The following DAB1 variants were observed in gnomAD, a reference collection of about 807,000 sequenced individuals.
DAB1 encodes the protein disabled homolog 1.
A neutral mutation model predicts 64.6 loss-of-function variants in DAB1; 15 were observed. That is an observed-to-expected ratio of 0.23 (90% CI 0.16 to 0.36). The LOEUF (loss-of-function observed/expected upper bound fraction) is 0.36. DAB1 is among the 10% of genes least tolerant of loss of function. The pLI is 1.00. For synonymous variants in DAB1, 235 were observed against 251.9 expected, an observed-to-expected ratio of 0.93 and a Z score of 0.64; for missense variants, 596 against 706.7, an observed-to-expected ratio of 0.84 and a Z score of 1.78.
At chr1:57,732,916 T>C (rs574131926) in intron 6 of DAB1, among the ~76,000 whole-genome samples, 1 of 152,300 alleles carries the variant, frequency 6.6e-6, no homozygotes, top group Non-Finnish European at 1.5e-5. Flanking sequence ...GCCATTGTTA[T>C]TTTGAAATTC....
chr1:57,024,569 G>T (rs1048215201), intron 10 of DAB1, among the ~76,000 whole-genome samples: 1 of 152,124 alleles, frequency 6.6e-6, no homozygotes, highest in Non-Finnish European at 1.5e-5. Flanking sequence ...TTGTTCTGAG[G>T]ATTATTAAAT....
At chr1:58,346,844 T>C (rs577456779) in intron 3 of DAB1, among the ~76,000 whole-genome samples, 29 of 152,272 alleles carry the variant, frequency 1.9e-4, no homozygotes, top group African/African-American at 6.5e-4. Context: ...ACTCATGAAT[T>C]CTGTGGCCAC....
rs1276542811 is a variant in DAB1, at chr1:58,001,136, C to G, written n.388-116974G>C. ...TTTCTCAATTTTCTCCATTTTCTCT[C>G]CTTGCACCCCCAATTTTCCCATCCT... On this transcript the variant is annotated intron_variant and non_coding_transcript_variant, in intron 5 of 20. Coordinates refer to the DAB1 transcript ENST00000485760. 2.0e-5 allele frequency among the ~76,000 whole-genome samples: 3 copies of G among 151,968 alleles called. No individual in the cohort carries two copies. The East Asian group carries it at 5.8e-4, about 29-fold the overall frequency.
intron 2 of DAB1, among the ~76,000 whole-genome samples, chr1:57,192,193 T>C (rs764563521): frequency 6.6e-6 from 1 of 152,092 alleles, no homozygotes; most frequent in South Asian, 2.1e-4. Context: ...GGTGGGCACC[T>C]GTAGTCCCAG....
At chr1:57,428,930 T>G (rs554567325), upstream of DAB1, among the ~76,000 whole-genome samples, 22 of 147,124 alleles carry the variant, frequency 1.5e-4, no homozygotes, top group East Asian at 4.3e-3. Context: ...TTTTTTTTTT[T>G]GAGACAGGGT....
intron 4 of DAB1, among the ~76,000 whole-genome samples, chr1:58,296,609 A>G (rs1662002442): frequency 6.6e-6 from 1 of 152,146 alleles, no homozygotes; most frequent in Admixed American, 6.5e-5. Context: ...CTCAGTCCTG[A>G]TTAGACTGTG....
At chr1:57,410,629 C>A (rs1161273843) in intron 1 of DAB1, among the ~76,000 whole-genome samples, 1 of 152,172 alleles carries the variant, frequency 6.6e-6, no homozygotes, top group African/African-American at 2.4e-5. Flanking sequence ...TACTCCTAGC[C>A]GTGTTGATTT....
chr1:58,387,725 T>C (rs867236491), intron 3 of DAB1, among the ~76,000 whole-genome samples: 12,162 of 98,636 alleles, frequency 0.12, 617 homozygotes, highest in East Asian at 0.29. Flanking sequence ...TTCTTTTCTT[T>C]TTTTTTTTTT....
intron 4 of DAB1, among the ~76,000 whole-genome samples, chr1:57,104,268 G>A (rs1185648199): frequency 5.3e-5 from 8 of 152,184 alleles, no homozygotes; most frequent in Middle Eastern, 3.4e-3. Flanking sequence ...GATGAGCTTG[G>A]TCACTCACAG....
chr1:58,234,566 G>A (rs550838914), intron 4 of DAB1, among the ~76,000 whole-genome samples: 23 of 152,286 alleles, frequency 1.5e-4, no homozygotes, highest in African/African-American at 5.1e-4. Flanking sequence ...TCCTCCTGCT[G>A]GGCCCACCTA....
At chr1:57,444,782 G>A (rs143823328) in intron 7 of DAB1, among the ~76,000 whole-genome samples, 206 of 152,308 alleles carry the variant, frequency 1.4e-3, no homozygotes, top group East Asian at 6.4e-3. Context: ...AGAGCTTTCA[G>A]AAGGAGCATA....
intron 5 of DAB1, chr1:58,077,922 C>T (rs768622868): frequency 1.4e-4 from 22 of 152,150 alleles, no homozygotes; most frequent in African/African-American, 4.1e-4. Context: ...AAGCTGTGCT[C>T]GAGTCTGAGT....
At chr1:57,479,764 G>A (rs1401511460) in intron 7 of DAB1, among the ~76,000 whole-genome samples, 4 of 152,116 alleles carry the variant, frequency 2.6e-5, no homozygotes, top group African/African-American at 7.2e-5. Context: ...TCTCTCTGCA[G>A]CTTCTCCACA....
chr1:57,980,360 A>C (rs2100338946), intron 5 of DAB1, among the ~76,000 whole-genome samples: 1 of 152,174 alleles, frequency 6.6e-6, no homozygotes, highest in African/African-American at 2.4e-5. Context: ...TCTAGGTGAA[A>C]TATCCCCCAC....
chr1:57,352,286 C>T (rs186657648), intron 1 of DAB1, among the ~76,000 whole-genome samples: 218 of 152,182 alleles, frequency 1.4e-3, no homozygotes, highest in African/African-American at 5.0e-3. Context: ...ATACCTAATG[C>T]CATGTTTCTG....
intron 4 of DAB1, among the ~76,000 whole-genome samples, chr1:58,342,726 C>T (rs1177580168): frequency 6.6e-6 from 1 of 152,112 alleles, no homozygotes; most frequent in Non-Finnish European, 1.5e-5. Flanking sequence ...CATCCTAGAC[C>T]TCTCTCAATC....
Position 57,207,818 on chromosome 1 carries a change from G to A in DAB1, c.68-62389C>T, listed in dbSNP as rs368907174. ...CTTCCAGCAAGGTGTCAAGTCCTGG[G>A]ATGGGCTATGTATTCATATCTTAAA... On this transcript the variant is annotated intron_variant, in intron 2 of 14. Coordinates refer to ENST00000371236, the MANE Select transcript of DAB1 (RefSeq NM_001365792.1). 5.5e-4 allele frequency among the ~76,000 whole-genome samples: 84 copies of A among 152,254 alleles called. 1 individual carries two copies. The South Asian group carries it at 0.015, about 27-fold the overall frequency.
At chr1:57,295,434 C>T (rs1570194593) in intron 1 of DAB1, among the ~76,000 whole-genome samples, 2 of 152,058 alleles carry the variant, frequency 1.3e-5, no homozygotes, top group South Asian at 4.2e-4. Flanking sequence ...TTTTATGATT[C>T]GATATCTTAG....
At chr1:57,786,110 T>G (rs1389460978) in intron 6 of DAB1, among the ~76,000 whole-genome samples, 1 of 152,152 alleles carries the variant, frequency 6.6e-6, no homozygotes, top group Non-Finnish European at 1.5e-5. Flanking sequence ...TGATGAACAT[T>G]CACGGTTTTT....
Sources: allele counts gnomAD v4.1 joint callset (sites outside exome capture counted in the v4.1 genomes callset), GRCh38; gene constraint gnomAD v4.1.1; transcripts MANE v1.5; gene names NCBI Gene and HGNC (gene_info 2026-07-23, HGNC 2026-07-21).